The following GNAL variants were observed in gnomAD, a reference collection of about 807,000 sequenced individuals.
GNAL encodes G protein subunit alpha L, also known as guanine nucleotide-binding protein G(olf) subunit alpha.
In GNAL, 18 loss-of-function variants were observed where a neutral mutation model predicts 55.1. The observed-to-expected ratio is 0.33, with a 90% confidence interval of 0.23 to 0.48. GNAL has a LOEUF of 0.48. Among genes scored for constraint, GNAL ranks in the 20% least tolerant of loss-of-function variants. GNAL has a pLI of 0.99. For synonymous variants in GNAL, 253 were observed against 237.0 expected, an observed-to-expected ratio of 1.07 and a Z score of -0.62; for missense variants, 412 against 614.1, an observed-to-expected ratio of 0.67 and a Z score of 3.48.
intron 1 of GNAL, among the ~76,000 whole-genome samples, chr18:11,701,861 G>A (rs1353316692): frequency 6.6e-6 from 1 of 152,154 alleles, no homozygotes; most frequent in Non-Finnish European, 1.5e-5. Context: ...TGCTCCACAA[G>A]TCAATATTAG....
At chr18:11,824,023 G>A (rs191362993) in intron 4 of GNAL, among the ~76,000 whole-genome samples, 4 of 152,048 alleles carry the variant, frequency 2.6e-5, no homozygotes, top group South Asian at 2.1e-4. Flanking sequence ...TGGAATGAAC[G>A]AAAAATCACA....
intron 4 of GNAL, among the ~76,000 whole-genome samples, chr18:11,766,398 A>G (rs1362607285): frequency 6.6e-6 from 1 of 152,178 alleles, no homozygotes; most frequent in East Asian, 1.9e-4. Flanking sequence ...ATTTGTTTGG[A>G]TAGGAAATAT....
intron 5 of GNAL, among the ~76,000 whole-genome samples, chr18:11,858,260 G>GAA (rs112982650): frequency 1.5e-3 from 220 of 150,932 alleles, no homozygotes; most frequent in Middle Eastern, 3.4e-3. Context: ...AGGAAATAAT[G>GAA]AAAAAAAAAT....
chr18:11,717,904 A>G (rs1217615185), intron 1 of GNAL, among the ~76,000 whole-genome samples: 1 of 152,232 alleles, frequency 6.6e-6, no homozygotes, highest in Non-Finnish European at 1.5e-5. Flanking sequence ...GTTTGCCTAT[A>G]TAATAAACCT....
intron 1 of GNAL, among the ~76,000 whole-genome samples, chr18:11,730,903 AAAAC>A (rs954472283): frequency 1.4e-4 from 22 of 152,362 alleles, no homozygotes; most frequent in Admixed American, 9.1e-4. Flanking sequence ...GAGTTAATTA[AAAAC>A]AAACAAACAA....
chr18:11,871,482 C>T (rs2036397647), intron 9 of GNAL, among the ~76,000 whole-genome samples: 1 of 152,118 alleles, frequency 6.6e-6, no homozygotes, highest in Non-Finnish European at 1.5e-5. Flanking sequence ...AACTCCTGAC[C>T]TCGTGATCTG....
chr18:11,763,674 A>G (rs2033315850), intron 4 of GNAL, among the ~76,000 whole-genome samples: 1 of 152,174 alleles, frequency 6.6e-6, no homozygotes, highest in Non-Finnish European at 1.5e-5. Context: ...TCTGACCATC[A>G]TTTTGTAATC....
intron 4 of GNAL, among the ~76,000 whole-genome samples, chr18:11,801,113 A>G (rs1242438417): frequency 4.6e-5 from 7 of 152,240 alleles, no homozygotes. Flanking sequence ...CATGAAACAA[A>G]TATTTACTGA....
At chr18:11,870,538 A>T (rs9947607) in intron 9 of GNAL, among the ~76,000 whole-genome samples, 41,021 of 151,786 alleles carry the variant, frequency 0.27, 6,388 homozygotes, top group African/African-American at 0.43. Flanking sequence ...AAAAAAAAAA[A>T]TTTTTTTAAT....
chr18:11,695,880 G>A (rs1250741115), intron 1 of GNAL, among the ~76,000 whole-genome samples: 4 of 151,570 alleles, frequency 2.6e-5, no homozygotes, highest in African/African-American at 9.7e-5. Flanking sequence ...ACTGTCAGAG[G>A]AAGTGCCTGG....
intron 4 of GNAL, among the ~76,000 whole-genome samples, chr18:11,777,433 G>A (rs1457824436): frequency 1.3e-5 from 2 of 152,180 alleles, no homozygotes; most frequent in African/African-American, 4.8e-5. Context: ...TTAAGCTTTA[G>A]AGTGCTGTGT....
At chr18:11,760,451 C>T (rs561488481) in intron 4 of GNAL, among the ~76,000 whole-genome samples, 3 of 152,296 alleles carry the variant, frequency 2.0e-5, no homozygotes, top group Admixed American at 1.3e-4. Context: ...AGTAAACTTT[C>T]GCCTTCTGCA....
At chr18:11,800,069 A>G (rs1329469354) in intron 4 of GNAL, among the ~76,000 whole-genome samples, 1 of 152,176 alleles carries the variant, frequency 6.6e-6, no homozygotes, top group Non-Finnish European at 1.5e-5. Flanking sequence ...ATTGAATCCT[A>G]TGGCACGTGC....
intron 4 of GNAL, among the ~76,000 whole-genome samples, chr18:11,792,432 C>T (rs1300700109): frequency 2.0e-5 from 3 of 152,160 alleles, no homozygotes; most frequent in Admixed American, 1.3e-4. Flanking sequence ...GTGATCTGCC[C>T]GCCTTGGCCT....
At chr18:11,729,395 C>T (rs139421998) in intron 1 of GNAL, among the ~76,000 whole-genome samples, 1 of 152,210 alleles carries the variant, frequency 6.6e-6, no homozygotes, top group African/African-American at 2.4e-5. Flanking sequence ...CAGAGCTTCC[C>T]CGGCTTCCTC....
chr18:11,857,742 TAACTC>T, intron 5 of GNAL: 2 of 985,306 alleles, frequency 2.0e-6, no homozygotes, highest in Non-Finnish European at 2.4e-6. Flanking sequence ...CAGGGAATCT[TAACTC>T]TGGCTGTGCA....
chr18:11,745,889 A>G (rs1286160858), intron 1 of GNAL: 4 of 194,560 alleles, frequency 2.1e-5, no homozygotes, highest in Admixed American at 1.7e-4. Context: ...ATAGTGAGAT[A>G]ATCGTCATCT....
chr18:11,836,924 C>T (rs1046788219), intron 5 of GNAL, among the ~76,000 whole-genome samples: 1 of 152,182 alleles, frequency 6.6e-6, no homozygotes, highest in Non-Finnish European at 1.5e-5. Flanking sequence ...CCATCCACTT[C>T]ATATCTTGAA....
At chr18:11,801,770 A>G (rs533174827) in intron 4 of GNAL, among the ~76,000 whole-genome samples, 65 of 152,170 alleles carry the variant, frequency 4.3e-4, no homozygotes, top group African/African-American at 1.4e-3. Flanking sequence ...AGCATCAGGG[A>G]TGATGTCATG....
Sources: allele counts gnomAD v4.1 joint callset (sites outside exome capture counted in the v4.1 genomes callset), GRCh38; gene constraint gnomAD v4.1.1; transcripts MANE v1.5; gene names NCBI Gene and HGNC (gene_info 2026-07-23, HGNC 2026-07-21).